Variants in CAPN13 observed in about 807,000 individuals in gnomAD.
CAPN13 encodes the protein calpain 13, also known as calpain-13.
A neutral mutation model predicts 98.4 loss-of-function variants in CAPN13; 90 were observed. The ratio of observed to expected loss-of-function variants is 0.92; its 90% CI spans 0.77 to 1.09. CAPN13 has a LOEUF of 1.09. CAPN13 is among the 50% of genes least tolerant of loss of function. The pLI is 0.00. For synonymous variants in CAPN13, 330 were observed against 305.5 expected, an observed-to-expected ratio of 1.08 and a Z score of -0.84; for missense variants, 887 against 841.3, an observed-to-expected ratio of 1.05 and a Z score of -0.67.
intron 18 of CAPN13, among the ~76,000 whole-genome samples, chr2:30,735,600 C>G (rs77017306): frequency 0.07 from 10,618 of 152,172 alleles, 805 homozygotes; most frequent in African/African-American, 0.19. Flanking sequence ...GGACCCTTGC[C>G]CCGGGGGACC....
chr2:30,758,059 G>T lies in CAPN13; in HGVS notation c.853C>A (p.Arg285Ser). 6.2e-7 allele frequency: 1 copy of T among 1,610,524 alleles called. No individual in the cohort carries two copies. The highest frequency in any genetic ancestry group is 2.2e-5 in the East Asian group (1 of 44,756). The change falls in exon 8 of 23, where the codon CGC becomes AGC. Residue 285 changes from arginine (R) to serine (S), a missense_variant. Transcript: ENST00000295055. ...WGWGEAEWRG[R>S]WSDGSQEWEE... ...CAGAAGCCATACCCATCACTCCAGC[G>T]CCCTCTCCATTCGGCCTCGCCCCAG...
At chr2:30,751,823 G>A (rs1672188567) in intron 10 of CAPN13, among the ~76,000 whole-genome samples, 2 of 152,236 alleles carry the variant, frequency 1.3e-5, no homozygotes, top group South Asian at 2.1e-4. Flanking sequence ...CAAGGGAGTG[G>A]GGAGGCGTAG....
chr2:30,734,510 C>T lies in CAPN13; in HGVS notation c.1737G>A (p.Lys579=), dbSNP rs751659231. Residue 579 remains lysine, a synonymous_variant, in exon 19 of 23, where the codon AAG becomes AAA. Coordinates refer to ENST00000295055, the MANE Select transcript of CAPN13 (RefSeq NM_144575.3). ...GGAGGACTCCAGGGCTTGTCTGAAC[C>T]TTCTGGAAAACATGCTAATAGGGGA... ...RLVHYQHVFQ[K]VQTSPGVLLS... is the part of the protein sequence containing the mutation. 4 of 1,613,838 alleles carry T rather than the reference C, an allele frequency of 2.5e-6. No homozygotes were observed. The highest frequency in any genetic ancestry group is 2.2e-5 in the East Asian group (1 of 44,882).
chr2:30,725,302 G>A (rs187023070), intron 22 of CAPN13, among the ~76,000 whole-genome samples: 3 of 152,252 alleles, frequency 2.0e-5, no homozygotes, highest in South Asian at 2.1e-4. Context: ...GTGACAACAA[G>A]GCATACACTT....
chr2:30,803,481 G>T (rs1675418295), intron 1 of CAPN13, among the ~76,000 whole-genome samples: 1 of 152,188 alleles, frequency 6.6e-6, no homozygotes, highest in Non-Finnish European at 1.5e-5. Context: ...GCAGAGTGCT[G>T]CCAGAGGGAC....
rs2148003403 is a variant in CAPN13, at chr2:30,757,212, A to G, written c.866+834T>C. ...TGGACACAGACCCTGGAGGAATGCGACCAGGCTGAGCCTCACTGGCTGCCC... is the reference window on the plus strand; with the variant it reads ...TGGACACAGACCCTGGAGGAATGCGGCCAGGCTGAGCCTCACTGGCTGCCC... On this transcript the variant is annotated intron_variant, in intron 8 of 22. Coordinates refer to ENST00000295055, the MANE Select transcript of CAPN13 (RefSeq NM_144575.3). 1.3e-5 allele frequency among the ~76,000 whole-genome samples: 2 copies of G among 152,336 alleles called. 1 individual carries two copies. The highest frequency in any genetic ancestry group is 4.1e-4 in the South Asian group (2 of 4,830).
rs770722391 is a variant in CAPN13 at position 30,764,151 on chromosome 2, G to A, written c.680C>T (p.Thr227Ile). ...KTATKAGSLI[T>I]CATPSGPTDT... ...ACTTACCCCACTTGGAGTGGCACAG[G>A]TTATCAGGGAGCCTGCCTTGGTCGC... The change falls in exon 6 of 23, where the codon ACC becomes ATC. Residue 227 changes from threonine (T) to isoleucine (I), a missense_variant. Coordinates refer to ENST00000295055, the MANE Select transcript of CAPN13 (RefSeq NM_144575.3). The A allele has an allele frequency of 1.0e-5, 16 of 1,577,980 alleles. No individual in the cohort carries two copies. The South Asian group carries it at 1.0e-4, about 10-fold the overall frequency.
chr2:30,754,113 A>G (rs928108674), intron 9 of CAPN13, among the ~76,000 whole-genome samples, 177 bp downstream of exon 9: 2 of 152,180 alleles, frequency 1.3e-5, no homozygotes, highest in Non-Finnish European at 2.9e-5. Flanking sequence ...ACCAAGAGGG[A>G]GCCTACAATA....
At chr2:30,768,551 C>T (rs898158434) in intron 5 of CAPN13, among the ~76,000 whole-genome samples, 3 of 152,218 alleles carry the variant, frequency 2.0e-5, no homozygotes, top group Admixed American at 2.0e-4. Flanking sequence ...AGAGTCCCTG[C>T]CCCTGGGCCT....
At chr2:30,740,529 GA>G (rs1308948505) in intron 15 of CAPN13, among the ~76,000 whole-genome samples, 1 of 152,242 alleles carries the variant, frequency 6.6e-6, no homozygotes, top group Admixed American at 6.5e-5. Flanking sequence ...TAGGATTACA[GA>G]ATACTGCCAG....
At position 30,781,446 on chromosome 2, in the gene CAPN13, C is replaced by T. The variant is rs895915731; in HGVS notation, c.199-3807G>A. ...GGCTAAACATTACTTCTGGGCATGT[C>T]CATGAGGGTGCTTCCACATGACTTT... On this transcript the variant is annotated intron_variant, in intron 2 of 22. Transcript: ENST00000295055. Among the ~76,000 whole-genome samples the T allele has an allele frequency of 9.1e-4, 139 of 152,286 alleles. 1 individual carries two copies. The highest frequency in any genetic ancestry group is 5.2e-4 in the Admixed American group (8 of 15,294).
chr2:30,763,735 G>C (rs1437574207), intron 6 of CAPN13, among the ~76,000 whole-genome samples: 4 of 152,206 alleles, frequency 2.6e-5, no homozygotes, highest in African/African-American at 4.8e-5. Context: ...GGCCCTGGGG[G>C]GCTCCGTGTA....
chr2:30,743,616 C>T (rs374630663), intron 12 of CAPN13, 37 bp from the exon 13 acceptor site: 25 of 1,598,298 alleles, frequency 1.6e-5, no homozygotes, highest in Non-Finnish European at 2.1e-5. Context: ...GTGAGAAAGC[C>T]TCCTCTGTGC....
intron 2 of CAPN13, among the ~76,000 whole-genome samples, chr2:30,783,931 A>G (rs1674124428): frequency 6.6e-6 from 1 of 152,130 alleles, no homozygotes; most frequent in East Asian, 1.9e-4. Context: ...CTGTAATCCC[A>G]GCACTTTGGG....
At chr2:30,729,278 A>G (rs1670974623) in intron 22 of CAPN13, among the ~76,000 whole-genome samples, 1 of 152,202 alleles carries the variant, frequency 6.6e-6, no homozygotes, top group African/African-American at 2.4e-5. Context: ...GAAGCTAGGG[A>G]AGCGCTCCTG....
In CAPN13 at chr2:30,735,687, G is replaced by A. The variant is rs146597505; in HGVS notation, c.1722+816C>T. ...CCAAGTGACCCCTAGTCGGGGATCC[G>A]GGGATATATACTGAAATAGCCACAC... On this transcript the variant is annotated intron_variant, in intron 18 of 22. Coordinates refer to ENST00000295055, the MANE Select transcript of CAPN13 (RefSeq NM_144575.3). Among the ~76,000 whole-genome samples the A allele has an allele frequency of 4.6e-3, 695 of 152,266 alleles. 4 individuals carry two copies. Among genetic ancestry groups the A allele is most frequent in the African/African-American group, 0.014 (592 of 41,534 alleles).
intron 21 of CAPN13, 21 bp downstream of exon 21, chr2:30,731,322 CG>C (rs1671080171): frequency 1.3e-6 from 2 of 1,599,362 alleles, no homozygotes; most frequent in African/African-American, 2.7e-5. Context: ...GTGCCTGCCC[CG>C]GGGAGGGGAA....
At chr2:30,741,592 T>C (rs1472128138) in intron 15 of CAPN13, 1 of 1,105,736 alleles carries the variant, frequency 9.0e-7, no homozygotes, top group Non-Finnish European at 1.1e-6. Context: ...GAAGGAAAGG[T>C]TTCACGGGGT....
chr2:30,738,559 T>TC, intron 15 of CAPN13, 102 bp from the exon 16 acceptor site: 1 of 1,241,764 alleles, frequency 8.1e-7, no homozygotes, highest in Middle Eastern at 2.0e-4. Context: ...AAGCACTTAG[T>TC]CCCCACAATG....
Sources: gnomAD v4.1 joint callset for allele counts (sites outside exome capture counted in the v4.1 genomes callset) on GRCh38, gnomAD v4.1.1 for gene constraint, MANE v1.5 for transcripts, NCBI Gene and HGNC (gene_info 2026-07-23, HGNC 2026-07-21) for gene names.